PUSL1: variants seen among roughly 807,000 people sequenced by gnomAD.
PUSL1 encodes pseudouridine synthase like 1.
PUSL1 carries 51 observed loss-of-function variants against 30.7 expected under a neutral mutation model. The ratio of observed to expected loss-of-function variants is 1.66; its 90% confidence interval spans 1.33 to 2.10. PUSL1 has a LOEUF of 2.10. Ranked by LOEUF, PUSL1 falls within the 30% of genes most tolerant of loss-of-function variation. The pLI, the probability that PUSL1 is intolerant of heterozygous loss-of-function variation, is 0.00. For synonymous variants in PUSL1, 290 were observed against 192.1 expected (o/e 1.51, Z -4.21); for missense variants, 609 against 427.6 (o/e 1.42, Z -3.74).
intron 7 of PUSL1, 60 bp from the exon 8 acceptor site, chr1:1,311,270 G>A: frequency 4.8e-6 from 7 of 1,471,024 alleles, no homozygotes; most frequent in Non-Finnish European, 6.4e-6. Flanking sequence ...GGTCTCAGCG[G>A]TGGGGAGGGT....
chr1:1,311,213 C>T, intron 7 of PUSL1, 117 bp from the exon 8 acceptor site: 1 of 1,407,438 alleles, frequency 7.1e-7, no homozygotes, highest in Non-Finnish European at 9.5e-7. Context: ...TCCCTCAGGC[C>T]AGCCCGTAGC....
chr1:1,308,715 C>G lies in PUSL1; in HGVS notation c.72C>G (p.Asp24Glu). 2 of 1,553,592 alleles carry G rather than the reference C, an allele frequency of 1.3e-6. No homozygotes were observed. Among genetic ancestry groups the G allele is most frequent in the South Asian group, 2.4e-5 (2 of 84,340 alleles). The change falls in exon 1 of 8, where the codon GAC becomes GAG. Residue 24 changes from aspartate to glutamate, a missense_variant. Physicochemically the swap from Asp to Glu is conservative, Grantham distance 45 (BLOSUM62 2). Coordinates refer to ENST00000379031, the MANE Select transcript of PUSL1 (RefSeq NM_153339.3). ...TGTACTTCCAGTACGTGGGCACCGA[C>G]TTTAAGTAGGTTTCCCAGGCGCAGC... ...YLVYFQYVGT[D>E]FNGVAAVRGT... is the part of the protein sequence containing the mutation.
chr1:1,310,206 T>G (rs1035874552), intron 5 of PUSL1: 4 of 350,128 alleles, frequency 1.1e-5, no homozygotes, highest in Non-Finnish European at 2.1e-5. Flanking sequence ...GGTGGCAGCT[T>G]CTGACCAGAA....
Position 1,311,466 on chromosome 1 carries a change from C to T in PUSL1, c.*87C>T, listed in dbSNP as rs772880977. ...GGCAGTCACAGCTGCTTGGGGCCCA[C>T]AGCACTGCTGCCTGGTCTCCACAGT... On this transcript the variant is annotated 3_prime_UTR_variant, in exon 8 of 8. Coordinates refer to ENST00000379031, the MANE Select transcript of PUSL1 (RefSeq NM_153339.3). The T allele has an allele frequency of 1.5e-6, 2 of 1,343,246 alleles. No individual in the cohort carries two copies. The highest frequency in any genetic ancestry group is 2.5e-5 in the East Asian group (1 of 40,750). 83.2% of individuals were successfully genotyped at this position (1,343,246 alleles called of 1,614,324 possible).
rs1438270252 is a variant in PUSL1, at chr1:1,309,118, G to A, written c.168G>A (p.Pro56=). ...CCGAGCGGCTGAATTCCGTGGAGCC[G>A]GTCAGGTTCACCATCTCCAGCCGCA... ...EAAERLNSVE[P]VRFTISSRTD... Residue 56 remains proline, a synonymous_variant, in exon 3 of 8, where the codon CCG becomes CCA. Coordinates refer to ENST00000379031, the MANE Select transcript of PUSL1 (RefSeq NM_153339.3). 2 of 1,518,554 alleles carry A rather than the reference G, an allele frequency of 1.3e-6. No homozygotes were observed. The highest frequency in any genetic ancestry group is 1.4e-5 in the African/African-American group (1 of 70,606). 94.1% of individuals were successfully genotyped at this position (1,518,554 alleles called of 1,614,324 possible).
At chr1:1,310,028 C>T in intron 5 of PUSL1, 177 bp downstream of exon 5, 1 of 553,708 alleles carries the variant, frequency 1.8e-6, no homozygotes, top group East Asian at 3.1e-5. Flanking sequence ...GCTGTGCCCT[C>T]CCCCCAGGCT....
chr1:1,310,084 G>A, intron 5 of PUSL1: 2 of 526,952 alleles, frequency 3.8e-6, no homozygotes, highest in Non-Finnish European at 3.3e-6. Context: ...AAAAACCCCT[G>A]CCATGCCTGA....
At position 1,311,402 on chromosome 1, in the gene PUSL1, T is replaced by C; in HGVS notation, c.*23T>C. 1 of 1,599,320 alleles carries C rather than the reference T, an allele frequency of 6.3e-7. No individual in the cohort carries two copies. The highest frequency in any genetic ancestry group is 8.5e-7 in the Non-Finnish European group (1 of 1,173,810). On this transcript the variant is annotated 3_prime_UTR_variant, in exon 8 of 8. Transcript: ENST00000379031. The stretch of plus-strand genomic sequence containing the variant: ...TGACCCTGGACACTCAAGCCAAAGT[T>C]AGGCCACACCAGGCCCAACCCTGTG...
At chr1:1,310,134 G>A in intron 5 of PUSL1, 2 of 465,918 alleles carry the variant, frequency 4.3e-6, no homozygotes, top group South Asian at 6.5e-5. Context: ...TCTCACTGGT[G>A]CCAGTGGTTC....
rs1423396612 is a variant in PUSL1, at chr1:1,310,964, C to T, written c.755C>T (p.Ala252Val). The T allele has an allele frequency of 6.2e-7, 1 of 1,612,974 alleles. No individual in the cohort carries two copies. The highest frequency in any genetic ancestry group is 1.1e-5 in the South Asian group (1 of 91,088). ...VAVGLGALAP[A>V]QVKTILESQD... ...GTGGGGCTGGGGGCTTTGGCACCTGCCCAGGTGAAGACGATTCTGGAGAGC... is the reference window on the plus strand; with the variant it reads ...GTGGGGCTGGGGGCTTTGGCACCTGTCCAGGTGAAGACGATTCTGGAGAGC... Residue 252 changes from alanine to valine, a missense_variant, in exon 7 of 8, where the codon GCC becomes GTC. Coordinates refer to ENST00000379031, the MANE Select transcript of PUSL1 (RefSeq NM_153339.3).
At chr1:1,311,281 G>A in intron 7 of PUSL1, 49 bp from the exon 8 acceptor site, 2 of 1,493,350 alleles carry the variant, frequency 1.3e-6, no homozygotes, top group South Asian at 1.3e-5. Flanking sequence ...TGGGGAGGGT[G>A]CTGGGCCGGT....
At position 1,309,683 on chromosome 1, in the gene PUSL1, G is replaced by T; in HGVS notation, c.476G>T (p.Cys159Phe). 6.3e-7 allele frequency: 1 copy of T among 1,595,640 alleles called. No homozygotes were observed. Among genetic ancestry groups the T allele is most frequent in the South Asian group, 1.1e-5 (1 of 90,178 alleles). The change falls in exon 5 of 8, where the codon TGC becomes TTC. Residue 159 changes from cysteine to phenylalanine, a missense_variant and splice_region_variant. By Grantham distance (205) the Cys-to-Phe change is radical. Coordinates refer to ENST00000379031, the MANE Select transcript of PUSL1 (RefSeq NM_153339.3). ...RNLCWTLPAD[C>F]LDMVAMQEAA... Reference sequence around the variant, plus strand: ...GACGGTCACCCTGGTCCCTGAAGCTGCCTGGATATGGTCGCCATGCAGGAA... The same window carrying T: ...GACGGTCACCCTGGTCCCTGAAGCTTCCTGGATATGGTCGCCATGCAGGAA...
intron 5 of PUSL1, 27 bp from the exon 6 acceptor site, chr1:1,310,593 AACACTGCCCCACAG>A (rs750837153): frequency 6.2e-6 from 9 of 1,461,326 alleles, no homozygotes; most frequent in Non-Finnish European, 1.9e-6. Context: ...GAGGATGGCA[AACACTGCCCCACAG>A]ACACCTACAG....
At position 1,310,561 on chromosome 1, in the gene PUSL1, G is replaced by A. The variant is rs374725599; in HGVS notation, c.645-73G>A. The A allele has an allele frequency of 4.3e-4, 528 of 1,232,602 alleles. 3 individuals carry two copies. Among genetic ancestry groups the A allele is most frequent in the South Asian group, 9.2e-4 (65 of 70,700 alleles). The allele number at this position is 1,232,602 out of a possible 1,614,324, so 76.4% of individuals were successfully genotyped here. ...TTTAGGCCCACCCTGTCACTCTCCCGTCCAAGGCCACATAGTAGGCTGAGG... is the reference window on the plus strand; with the variant it reads ...TTTAGGCCCACCCTGTCACTCTCCCATCCAAGGCCACATAGTAGGCTGAGG... On this transcript the variant is annotated intron_variant, in intron 5 of 7. Transcript: ENST00000379031.
intron 1 of PUSL1, 87 bp downstream of exon 1, chr1:1,308,807 G>C (rs1641915727): frequency 6.9e-7 from 1 of 1,445,094 alleles, no homozygotes; most frequent in Non-Finnish European, 9.2e-7. Context: ...GGATGTCTCT[G>C]GACGCGGGTT....
At chr1:1,310,730 G>A (rs747857977) in intron 6 of PUSL1, 42 bp downstream of exon 6, 4 of 1,612,720 alleles carry the variant, frequency 2.5e-6, no homozygotes, top group Non-Finnish European at 3.4e-6. Flanking sequence ...GTGGGGCTGA[G>A]GGTGGGCAGG....
Position 1,309,764 on chromosome 1 carries a change from G to A in PUSL1, c.557G>A (p.Ser186Asn), listed in dbSNP as rs778266752. 3.8e-6 allele frequency: 6 copies of A among 1,576,942 alleles called. No homozygotes were observed. The highest frequency in any genetic ancestry group is 5.2e-6 in the Non-Finnish European group (6 of 1,161,698). Residue 186 changes from serine (S) to asparagine (N), a missense_variant, in exon 5 of 8, where the codon AGC (serine) becomes AAC (asparagine). Coordinates refer to ENST00000379031, the MANE Select transcript of PUSL1 (RefSeq NM_153339.3). The stretch of plus-strand genomic sequence containing the variant: ...TTCAGCGCCTTCCAGTCCGCTGGCA[G>A]CCCGGTGCCGAGCCCCGTGCGAACG... ...HDFSAFQSAG[S>N]PVPSPVRTLR...
Position 1,308,726 on chromosome 1 carries a change from T to C in PUSL1, c.77+6T>C. ...TACGTGGGCACCGACTTTAAGTAGG[T>C]TTCCCAGGCGCAGCGGCGGGCGCCA... On this transcript the variant is annotated splice_donor_region_variant and intron_variant, in intron 1 of 7. Coordinates refer to ENST00000379031, the MANE Select transcript of PUSL1 (RefSeq NM_153339.3). 6.5e-7 allele frequency: 1 copy of C among 1,546,296 alleles called. No individual in the cohort carries two copies. The highest frequency in any genetic ancestry group is 8.7e-7 in the Non-Finnish European group (1 of 1,148,536).
intron 5 of PUSL1, 161 bp downstream of exon 5, chr1:1,310,012 C>T: frequency 5.2e-6 from 3 of 573,782 alleles, no homozygotes; most frequent in Non-Finnish European, 9.1e-6. Flanking sequence ...CGCCCCCCAG[C>T]CTCCAGCTGT....
Sources: allele counts gnomAD v4.1 joint callset, GRCh38; gene constraint gnomAD v4.1.1; transcripts MANE v1.5; gene names NCBI Gene and HGNC (gene_info 2026-07-23, HGNC 2026-07-21).